PCDH15: variants seen among roughly 807,000 people sequenced by gnomAD.
PCDH15 encodes protocadherin-15.
A neutral mutation model predicts 178.5 loss-of-function variants in PCDH15; 129 were observed. The ratio of observed to expected loss-of-function variants is 0.72; its 90% confidence interval spans 0.63 to 0.84. PCDH15 has a LOEUF of 0.84. Ranked by LOEUF, PCDH15 falls within the 40% of genes least tolerant of loss-of-function variation. The pLI is 0.00. For synonymous variants in PCDH15, 800 were observed against 732.0 expected (o/e 1.09, Z -1.50); for missense variants, 2,230 against 2,099.9 (o/e 1.06, Z -1.21).
rs547163091 is a variant in PCDH15 at position 54,495,984 on chromosome 10, T to C, written c.157+31828A>G. On this transcript the variant is annotated intron_variant, in intron 3 of 37. Coordinates refer to ENST00000644397, the MANE Select transcript of PCDH15 (RefSeq NM_001384140.1). ...GACTCTGTTTCAGATAAGGGTAAAA[T>C]TCTGGACTTCAAGTAAAACATGAAA... Among the ~76,000 whole-genome samples, 3 of 152,268 alleles carry C rather than the reference T, an allele frequency of 2.0e-5. No individual in the cohort carries two copies. In the South Asian group the frequency reaches 6.2e-4, roughly 32 times the overall value.
intron 3 of PCDH15, among the ~76,000 whole-genome samples, chr10:54,420,744 A>G (rs1955154230): frequency 6.6e-6 from 1 of 152,146 alleles, no homozygotes. Flanking sequence ...CTCTGATTAT[A>G]GCAACAGATG....
chr10:55,175,714 A>T (rs12570184), intron 1 of PCDH15, among the ~76,000 whole-genome samples: 13,698 of 151,264 alleles, frequency 0.091, 652 homozygotes, highest in Middle Eastern at 0.12. Context: ...AAAGAAAAAG[A>T]AAAGAAAAGA....
intron 3 of PCDH15, among the ~76,000 whole-genome samples, chr10:54,462,121 T>G (rs1246668920): frequency 6.6e-6 from 1 of 152,108 alleles, no homozygotes; most frequent in Non-Finnish European, 1.5e-5. Flanking sequence ...TCATACCATC[T>G]CAAAGAAAAT....
intron 17 of PCDH15, 117 bp downstream of exon 17, chr10:54,079,214 A>G: frequency 1.0e-6 from 1 of 1,002,718 alleles, no homozygotes; most frequent in Non-Finnish European, 1.6e-6. Context: ...ACTTCTAGTA[A>G]TTATAAGAAG....
At chr10:54,952,160 G>T (rs537308280) in intron 2 of PCDH15, among the ~76,000 whole-genome samples, 1 of 151,762 alleles carries the variant, frequency 6.6e-6, no homozygotes, top group Non-Finnish European at 1.5e-5. Context: ...TTTACATTGG[G>T]GCCTATAATC....
At chr10:55,547,917 G>GAGAGAGAGAGAGAGAGAGAGAA (rs1841923360) in intron 2 of PCDH15, among the ~76,000 whole-genome samples, 1 of 131,544 alleles carries the variant, frequency 7.6e-6, no homozygotes, top group Non-Finnish European at 1.5e-5. Flanking sequence ...GTGTGAGAGA[G>GAGAGAGAGAGAGAGAGAGAGAA]AGAGAGAGAG....
Position 55,248,227 on chromosome 10 carries a change from C to T in PCDH15, c.-156+71372G>A, listed in dbSNP as rs543679473. ...ATATATACACACACAAATATGTATA[C>T]ATGTATAATACTATATATCAGATTT... On this transcript the variant is annotated intron_variant, in intron 1 of 5. Coordinates refer to the PCDH15 transcript ENST00000458638. 2.0e-3 allele frequency among the ~76,000 whole-genome samples: 304 copies of T among 151,628 alleles called. 1 individual carries two copies. Among genetic ancestry groups the T allele is most frequent in the Admixed American group, 4.1e-3 (62 of 15,198 alleles).
chr10:55,164,449 A>G (rs1839145127), intron 2 of PCDH15, among the ~76,000 whole-genome samples: 1 of 150,464 alleles, frequency 6.6e-6, no homozygotes, highest in Non-Finnish European at 1.5e-5. Flanking sequence ...TAATTATAAT[A>G]AGAATTTTAA....
rs145749638 is a variant in PCDH15, at chr10:55,371,016, A to G, written c.-155-204365T>C. Among the ~76,000 whole-genome samples the G allele has an allele frequency of 2.0e-5, 3 of 152,250 alleles. No homozygotes were observed. In the East Asian group the frequency reaches 5.8e-4, roughly 29 times the overall value. The stretch of plus-strand genomic sequence containing the variant: ...TCATTTTTTTGATTTACGAAAATGA[A>G]GACAAGGCCAATCTTTTCATGAGTT... On this transcript the variant is annotated intron_variant, in intron 2 of 5. Coordinates refer to the PCDH15 transcript ENST00000613346.
intron 2 of PCDH15, among the ~76,000 whole-genome samples, chr10:55,150,287 T>C (rs796421311): frequency 6.7e-4 from 102 of 152,184 alleles, no homozygotes; most frequent in Middle Eastern, 3.4e-3. Flanking sequence ...CAATGTCAGT[T>C]ACTGAAAAGA....
At chr10:53,896,832 T>C (rs563560215) in intron 26 of PCDH15, among the ~76,000 whole-genome samples, 1 of 152,316 alleles carries the variant, frequency 6.6e-6, no homozygotes, top group South Asian at 2.1e-4. Context: ...TGCCTGATGA[T>C]CTGTCACTGT....
At chr10:54,203,549 C>T (rs1479912162) in intron 10 of PCDH15, among the ~76,000 whole-genome samples, 3 of 152,088 alleles carry the variant, frequency 2.0e-5, no homozygotes, top group Non-Finnish European at 2.9e-5. Flanking sequence ...GAAAGACAAA[C>T]GCATATAGAA....
chr10:54,653,633 T>C (rs2094311717), intron 2 of PCDH15, among the ~76,000 whole-genome samples: 1 of 152,212 alleles, frequency 6.6e-6, no homozygotes, highest in African/African-American at 2.4e-5. Flanking sequence ...TTTTAATACC[T>C]AACCTTGTGC....
At chr10:55,170,326 A>C (rs1839300184) in intron 1 of PCDH15, among the ~76,000 whole-genome samples, 1 of 151,782 alleles carries the variant, frequency 6.6e-6, no homozygotes, top group African/African-American at 2.4e-5. Context: ...TTAAAAAAAA[A>C]AATTGCAGAG....
chr10:54,214,962 TA>T (rs1195512606), intron 9 of PCDH15, among the ~76,000 whole-genome samples: 1 of 152,190 alleles, frequency 6.6e-6, no homozygotes. Flanking sequence ...TCTAATTGTA[TA>T]ATCTTCCTTT....
chr10:54,197,383 A>G (rs2049785271), intron 10 of PCDH15, among the ~76,000 whole-genome samples: 2 of 152,094 alleles, frequency 1.3e-5, no homozygotes, highest in Admixed American at 6.6e-5. Flanking sequence ...TTTCATCACA[A>G]TTGACTTCTG....
intron 2 of PCDH15, among the ~76,000 whole-genome samples, chr10:54,557,238 G>T (rs1171197868): frequency 2.6e-5 from 4 of 152,094 alleles, no homozygotes; most frequent in Non-Finnish European, 2.9e-5. Context: ...CACAAGGAAG[G>T]TATTTTGGAC....
At chr10:55,381,865 A>G (rs532110379) in intron 2 of PCDH15, among the ~76,000 whole-genome samples, 33 of 152,212 alleles carry the variant, frequency 2.2e-4, no homozygotes, top group Admixed American at 5.9e-4. Flanking sequence ...ATCCCATCCA[A>G]TCCCAATACC....
chr10:55,003,909 G>T (rs1335952307), intron 2 of PCDH15, among the ~76,000 whole-genome samples: 1 of 152,156 alleles, frequency 6.6e-6, no homozygotes, highest in African/African-American at 2.4e-5. Context: ...AGAAAAAGGG[G>T]TTCACTGAAT....
Sources: gnomAD v4.1 joint callset for allele counts (sites outside exome capture counted in the v4.1 genomes callset) on GRCh38, gnomAD v4.1.1 for gene constraint, MANE v1.5 for transcripts, NCBI Gene and HGNC (gene_info 2026-07-23, HGNC 2026-07-21) for gene names.